Variants in ZNF610 observed in about 807,000 individuals in gnomAD.
The protein encoded by ZNF610 is zink finger protein.
Under a neutral mutation model 14.1 loss-of-function variants are expected in ZNF610, and 14 were observed. That is an observed-to-expected ratio of 0.99 (90% confidence interval 0.65 to 1.55). The LOEUF (loss-of-function observed/expected upper bound fraction) is 1.55. Ranked by LOEUF, ZNF610 falls within the 40% of genes most tolerant of loss-of-function variation. The pLI, the probability that ZNF610 is intolerant of heterozygous loss-of-function variation, is 0.00. For missense variants in ZNF610, 530 were observed against 558.0 expected, an observed-to-expected ratio of 0.95 and a Z score of 0.51; for synonymous variants, 185 against 187.6, an observed-to-expected ratio of 0.99 and a Z score of 0.11.
At chr19:52,356,144 G>A (rs1366206579) in intron 5 of ZNF610, among the ~76,000 whole-genome samples, 1 of 152,158 alleles carries the variant, frequency 6.6e-6, no homozygotes, top group African/African-American at 2.4e-5. Flanking sequence ...AGGAACCGGG[G>A]AAGAGACCAA....
At chr19:52,365,232 C>T (rs1473553784) in intron 5 of ZNF610, among the ~76,000 whole-genome samples, 7 of 142,318 alleles carry the variant, frequency 4.9e-5, no homozygotes, top group East Asian at 2.1e-4. Flanking sequence ...AGAGAGACTC[C>T]GTCTCAAAAA....
intron 5 of ZNF610, among the ~76,000 whole-genome samples, chr19:52,361,103 C>T (rs982252375): frequency 3.3e-5 from 5 of 151,686 alleles, no homozygotes; most frequent in African/African-American, 9.7e-5. Flanking sequence ...TCTACTTCTT[C>T]ATGAGTAAGT....
intron 3 of ZNF610, 88 bp downstream of exon 3, chr19:52,349,323 C>A: frequency 7.1e-7 from 1 of 1,416,738 alleles, no homozygotes; most frequent in Non-Finnish European, 9.9e-7. Context: ...TCACACTCAC[C>A]CATGCCTTCC....
chr19:52,338,967 ATC>A (rs1196726677), intron 1 of ZNF610, among the ~76,000 whole-genome samples: 1 of 152,002 alleles, frequency 6.6e-6, no homozygotes, highest in Non-Finnish European at 1.5e-5. Flanking sequence ...ATTGATCACT[ATC>A]TCTACCATCT....
At chr19:52,349,644 C>T (rs1358547470) in intron 3 of ZNF610, among the ~76,000 whole-genome samples, 2 of 151,394 alleles carry the variant, frequency 1.3e-5, no homozygotes, top group Non-Finnish European at 2.9e-5. Context: ...ACGATCTCGA[C>T]TCGCTGCAAC....
chr19:52,358,981 T>C (rs1985658307), intron 5 of ZNF610, among the ~76,000 whole-genome samples: 1 of 152,246 alleles, frequency 6.6e-6, no homozygotes, highest in African/African-American at 2.4e-5. Context: ...GTTTCTGGCC[T>C]GTCTGTTCTA....
At chr19:52,331,169 A>G in the ZNF610 span, among the ~76,000 whole-genome samples, 1 of 152,228 alleles carries the variant, frequency 6.6e-6, no homozygotes, top group Non-Finnish European at 1.5e-5. Context: ...CAGGTGATCA[A>G]GGTTGACATC....
upstream of ZNF610, among the ~76,000 whole-genome samples, chr19:52,334,972 TC>T (rs1431904892): frequency 5.0e-5 from 1 of 20,046 alleles, no homozygotes. Flanking sequence ...GTAATTTACA[TC>T]TATTTTTTAA....
rs142300380 is a variant in ZNF610, at chr19:52,366,178, A to G, written c.800A>G (p.Lys267Arg). ...QKPYKCSECD[K>R]VFNRNSNLAR... is the part of the protein sequence containing the mutation. ...CCTTACAAATGTAGTGAATGTGACA[A>G]GGTGTTTAATCGCAATTCAAACCTT... Residue 267 changes from lysine to arginine, a missense_variant, in exon 6 of 6, where the codon AAG (lysine) becomes AGG (arginine). By Grantham distance (26) the Lys-to-Arg change is conservative. Transcript: ENST00000403906. 1.6e-3 allele frequency: 2,630 copies of G among 1,613,726 alleles called. 3 individuals are homozygous for G. The highest frequency in any genetic ancestry group is 3.3e-3 in the Admixed American group (196 of 59,998).
At chr19:52,354,946 G>A (rs1179288296) in intron 5 of ZNF610, among the ~76,000 whole-genome samples, 1 of 152,166 alleles carries the variant, frequency 6.6e-6, no homozygotes, top group Non-Finnish European at 1.5e-5. Context: ...GAAAAGAAAA[G>A]TTTAAATCCT....
At chr19:52,354,170 A>G in intron 4 of ZNF610, 81 bp from the exon 5 acceptor site, 1 of 1,563,928 alleles carries the variant, frequency 6.4e-7, no homozygotes, top group Non-Finnish European at 8.7e-7. Context: ...TCCATTTGCG[A>G]TATCCCCTCT....
At chr19:52,352,863 C>T (rs1224942487) in intron 3 of ZNF610, among the ~76,000 whole-genome samples, 3 of 151,902 alleles carry the variant, frequency 2.0e-5, no homozygotes, top group African/African-American at 7.3e-5. Flanking sequence ...TTTCCAATTT[C>T]ATTCTTGGCC....
At chr19:52,339,162 C>A (rs544720950) in intron 1 of ZNF610, among the ~76,000 whole-genome samples, 2 of 151,874 alleles carry the variant, frequency 1.3e-5, no homozygotes, top group Non-Finnish European at 2.9e-5. Context: ...AGCCCTAAGG[C>A]GGTTTTCTCC....
At chr19:52,338,929 G>T (rs1676612053) in intron 1 of ZNF610, among the ~76,000 whole-genome samples, 1 of 151,948 alleles carries the variant, frequency 6.6e-6, no homozygotes, top group Non-Finnish European at 1.5e-5. Context: ...ACCCGCGCCG[G>T]CCCGGTCTCT....
rs746554088 is a variant in ZNF610 at position 52,349,153 on chromosome 19, G to C, written c.-19-1G>C. ...GTAATCAGTGTATTTTTGACATTTA[G>C]GATTGACTTATAAACAGTCATGCTA... On this transcript the variant is annotated splice_acceptor_variant, in intron 2 of 5. Coordinates refer to ENST00000403906, the MANE Select transcript of ZNF610 (RefSeq NM_001161425.2). LOFTEE classifies it low-confidence loss of function (5UTR_SPLICE). 1 of 1,610,670 alleles carries C rather than the reference G, an allele frequency of 6.2e-7. No individual in the cohort carries two copies. The highest frequency in any genetic ancestry group is 8.5e-7 in the Non-Finnish European group (1 of 1,177,764).
intron 5 of ZNF610, 52 bp downstream of exon 5, chr19:52,354,431 T>G: frequency 6.3e-7 from 1 of 1,584,012 alleles, no homozygotes; most frequent in Non-Finnish European, 8.6e-7. Flanking sequence ...TTTTTTATTT[T>G]TGAGCCAGGG....
intron 1 of ZNF610, among the ~76,000 whole-genome samples, chr19:52,343,073 G>A (rs1222991754): frequency 6.6e-6 from 1 of 151,838 alleles, no homozygotes; most frequent in Non-Finnish European, 1.5e-5. Flanking sequence ...GGCATCCACA[G>A]GCATCTCCAC....
At chr19:52,334,960 A>ACACACAG (rs59969071), upstream of ZNF610, among the ~76,000 whole-genome samples, 61 of 136,560 alleles carry the variant, frequency 4.5e-4, 1 homozygote, top group African/African-American at 1.5e-3. Context: ...CACACACACA[A>ACACACAG]TGTAATTTAC....
rs1275977081 is a variant in ZNF610, at chr19:52,365,924, T to A, written c.546T>A (p.Asp182Glu). 3 of 1,612,676 alleles carry A rather than the reference T, an allele frequency of 1.9e-6. No individual in the cohort carries two copies. Among genetic ancestry groups the A allele is most frequent in the African/African-American group, 2.7e-5 (2 of 74,778 alleles). The change falls in exon 6 of 6, where the codon GAT becomes GAA. Residue 182 changes from aspartate (D) to glutamate (E), a missense_variant. By Grantham distance (45) the Asp-to-Glu change is conservative. Coordinates refer to ENST00000403906, the MANE Select transcript of ZNF610 (RefSeq NM_001161425.2). ...ACATTTTTAATAAATATAGAAATGA[T>A]CTTATTGATTTCCCATTACTCCCAC... ...TTHIFNKYRNDLIDFPLLPQE... is the reference protein window; with the variant it reads ...TTHIFNKYRNELIDFPLLPQE...
Sources: allele counts gnomAD v4.1 joint callset (sites outside exome capture counted in the v4.1 genomes callset), GRCh38; gene constraint gnomAD v4.1.1; transcripts MANE v1.5; gene names NCBI Gene and HGNC (gene_info 2026-07-23, HGNC 2026-07-21).